PRKN: variants seen among roughly 807,000 people sequenced by gnomAD.
PRKN encodes parkin RBR E3 ubiquitin protein ligase, also known as E3 ubiquitin-protein ligase parkin.
PRKN carries 56 observed loss-of-function variants against 59.5 expected under a neutral mutation model. The observed-to-expected ratio is 0.94, with a 90% confidence interval of 0.76 to 1.18. The LOEUF (loss-of-function observed/expected upper bound fraction) is 1.18, where lower values mean the gene tolerates loss of function less well. PRKN is among the 50% of genes most tolerant of loss of function. The probability of loss-of-function intolerance (pLI) is 0.00; values close to 1 mark genes in which losing one functional copy is unlikely to be tolerated. For synonymous variants in PRKN, 250 were observed against 222.1 expected, an observed-to-expected ratio of 1.13 and a Z score of -1.12; for missense variants, 657 against 596.4, an observed-to-expected ratio of 1.10 and a Z score of -1.06.
At chr6:161,539,397 C>T (rs1014953675) in intron 9 of PRKN, among the ~76,000 whole-genome samples, 2 of 139,176 alleles carry the variant, frequency 1.4e-5, no homozygotes, top group Non-Finnish European at 3.3e-5. Context: ...AGTGGCCAGC[C>T]GGACCACCAC....
chr6:161,600,926 C>CA (rs1299179339), intron 7 of PRKN, among the ~76,000 whole-genome samples: 2 of 152,062 alleles, frequency 1.3e-5, no homozygotes, highest in Non-Finnish European at 2.9e-5. Flanking sequence ...AAAAATAAAC[C>CA]AAACTCCTAT....
rs145932360 is a variant in PRKN, at chr6:162,694,701, T to C, written c.7+32961A>G. On this transcript the variant is annotated intron_variant, in intron 1 of 11. Transcript: ENST00000366898. ...AATCAGTAACTGATAAAGAACTGTTTAACTCAATTTGAATGTGATTTCATG... is the reference window on the plus strand; with the variant it reads ...AATCAGTAACTGATAAAGAACTGTTCAACTCAATTTGAATGTGATTTCATG... 2.8e-3 allele frequency: 423 copies of C among 152,376 alleles called. 2 individuals are homozygous for C. The highest frequency in any genetic ancestry group is 9.3e-3 in the African/African-American group (386 of 41,592). 9.4% of individuals were successfully genotyped at this position (152,376 alleles called of 1,614,324 possible).
chr6:161,745,271 T>C (rs1788367682), intron 7 of PRKN, among the ~76,000 whole-genome samples: 1 of 152,102 alleles, frequency 6.6e-6, no homozygotes, highest in Non-Finnish European at 1.5e-5. Flanking sequence ...GGGCCCTCAG[T>C]GTGGACAGGT....
Position 161,992,894 on chromosome 6 carries a change from A to C in PRKN, c.619-19477T>G, listed in dbSNP as rs1323055575. On this transcript the variant is annotated intron_variant, in intron 5 of 11. Transcript: ENST00000366898. ...AAGAAACTAAGAAGAAAACCAAAAA[A>C]TTTCTTGAGAGAATTAAAAATGGAA... is the stretch of plus-strand genomic sequence containing the variant. 2.0e-5 allele frequency among the ~76,000 whole-genome samples: 3 copies of C among 152,152 alleles called. No homozygotes were observed. The East Asian group carries it at 5.8e-4, about 29-fold the overall frequency.
At chr6:162,374,541 T>G (rs1014624746) in intron 2 of PRKN, among the ~76,000 whole-genome samples, 7 of 151,972 alleles carry the variant, frequency 4.6e-5, no homozygotes, top group Admixed American at 4.6e-4. Flanking sequence ...ATTTATTTGT[T>G]TGTTTGTTTA....
chr6:161,674,798 C>T (rs975252986), intron 7 of PRKN, among the ~76,000 whole-genome samples: 2 of 152,184 alleles, frequency 1.3e-5, no homozygotes, highest in African/African-American at 4.8e-5. Context: ...CAGCTCTGTT[C>T]TATTGTCTTT....
At chr6:162,354,052 T>C (rs1784738759) in intron 2 of PRKN, among the ~76,000 whole-genome samples, 2 of 152,168 alleles carry the variant, frequency 1.3e-5, no homozygotes, top group Non-Finnish European at 2.9e-5. Flanking sequence ...TAGTTTCCTT[T>C]ATCTCTTCAT....
intron 3 of PRKN, among the ~76,000 whole-genome samples, chr6:162,237,084 T>C (rs1778764510): frequency 6.6e-6 from 1 of 152,202 alleles, no homozygotes; most frequent in African/African-American, 2.4e-5. Flanking sequence ...TAATAACGTC[T>C]ACTCTTACTA....
intron 5 of PRKN, among the ~76,000 whole-genome samples, chr6:162,022,899 A>G (rs1301153792): frequency 6.6e-6 from 1 of 152,134 alleles, no homozygotes; most frequent in East Asian, 1.9e-4. Flanking sequence ...CCCAGCACCA[A>G]TTATTCAATA....
At chr6:162,671,479 T>C (rs1031323868) in intron 1 of PRKN, among the ~76,000 whole-genome samples, 7 of 132,240 alleles carry the variant, frequency 5.3e-5, no homozygotes, top group South Asian at 2.3e-4. Context: ...AGGCTGGCAA[T>C]AGAGCGAGAC....
At chr6:162,479,295 G>A (rs1265012939) in intron 1 of PRKN, among the ~76,000 whole-genome samples, 1 of 151,416 alleles carries the variant, frequency 6.6e-6, no homozygotes, top group African/African-American at 2.4e-5. Context: ...GTGTGATCTT[G>A]GCTCACTGAA....
chr6:161,991,211 C>A (rs1361734216), intron 5 of PRKN, among the ~76,000 whole-genome samples: 1 of 152,142 alleles, frequency 6.6e-6, no homozygotes, highest in East Asian at 1.9e-4. Flanking sequence ...GAATTCATCA[C>A]CACTAGACAA....
intron 6 of PRKN, among the ~76,000 whole-genome samples, chr6:161,891,138 C>G (rs1265961386): frequency 1.3e-5 from 2 of 152,124 alleles, no homozygotes; most frequent in Non-Finnish European, 1.5e-5. Context: ...TATGGCTGCT[C>G]CAAGTCAGAA....
rs75688150 is a variant in PRKN at position 161,774,382 on chromosome 6, G to A, written c.871+11390C>T. Among the ~76,000 whole-genome samples, 1,284 of 131,020 alleles carry A rather than the reference G, an allele frequency of 9.8e-3. 41 individuals are homozygous for A. Among genetic ancestry groups the A allele is most frequent in the African/African-American group, 0.035 (1,201 of 33,988 alleles). The allele number at this position is 131,020 out of a possible 152,430, so 86.0% of individuals were successfully genotyped here. A position where few individuals can be genotyped will look rare whatever the true frequency, so the allele number is the denominator to read the frequency against. On this transcript the variant is annotated intron_variant, in intron 7 of 11. Coordinates refer to ENST00000366898, the MANE Select transcript of PRKN (RefSeq NM_004562.3). ...CTCCCCCATCCTTTCTACTCCCTGAGCACACACACACACACACACACACAC... is the reference window on the plus strand; with the variant it reads ...CTCCCCCATCCTTTCTACTCCCTGAACACACACACACACACACACACACAC...
At position 161,867,145 on chromosome 6, in the gene PRKN, A is replaced by G. The variant is rs138669777; in HGVS notation, c.735-81237T>C. Among the ~76,000 whole-genome samples the G allele has an allele frequency of 3.6e-3, 544 of 152,242 alleles. 3 individuals are homozygous for G. Among genetic ancestry groups the G allele is most frequent in the African/African-American group, 0.012 (505 of 41,524 alleles). On this transcript the variant is annotated intron_variant, in intron 6 of 11. Transcript: ENST00000366898. ...TTATTTGGATCTGTTCTATATTGCGAGTTGATTTTGTCTTTCCAACTGAGA... is the reference window on the plus strand; with the variant it reads ...TTATTTGGATCTGTTCTATATTGCGGGTTGATTTTGTCTTTCCAACTGAGA...
chr6:161,949,403 C>T (rs892301050), intron 6 of PRKN, among the ~76,000 whole-genome samples: 2 of 152,094 alleles, frequency 1.3e-5, no homozygotes, highest in Admixed American at 6.5e-5. Context: ...CCCAGCTACT[C>T]GGGAGGCTGT....
At chr6:162,369,454 C>T (rs1361044865) in intron 2 of PRKN, among the ~76,000 whole-genome samples, 1 of 152,142 alleles carries the variant, frequency 6.6e-6, no homozygotes, top group African/African-American at 2.4e-5. Flanking sequence ...TACTATACTA[C>T]CCAATGTCTT....
chr6:161,543,828 C>A (rs1416713236), intron 9 of PRKN, among the ~76,000 whole-genome samples: 1 of 152,152 alleles, frequency 6.6e-6, no homozygotes, highest in Admixed American at 6.6e-5. Flanking sequence ...TAGCTTTCTG[C>A]ATTCCCAGGT....
In PRKN at chr6:161,550,494, T is replaced by C. The variant is rs1466505260; in HGVS notation, c.934-1491A>G. 1.3e-5 allele frequency among the ~76,000 whole-genome samples: 2 copies of C among 152,050 alleles called. No individual in the cohort carries two copies. Among genetic ancestry groups the C allele is most frequent in the Admixed American group, 6.6e-5 (1 of 15,200 alleles). Reference sequence around the variant, plus strand: ...CGTAAGCTAGGAGCTTATGTCAACATCTATGCAAAAGATGGCACTGGCTTG... The same window carrying C: ...CGTAAGCTAGGAGCTTATGTCAACACCTATGCAAAAGATGGCACTGGCTTG... On this transcript the variant is annotated intron_variant, in intron 8 of 11. Transcript: ENST00000366898. This position sits in a 1 kb window ranked among gnomAD's most constrained non-coding sequence, Gnocchi z 4.0.
Sources: allele counts gnomAD v4.1 joint callset (sites outside exome capture counted in the v4.1 genomes callset), GRCh38; gene constraint gnomAD v4.1.1; non-coding constraint Gnocchi (gnomAD v3.1); transcripts MANE v1.5; gene names NCBI Gene and HGNC (gene_info 2026-07-23, HGNC 2026-07-21).